The following CPAMD8 variants were observed in gnomAD, a reference collection of about 807,000 sequenced individuals.
CPAMD8 encodes the protein C3 and PZP-like alpha-2-macroglobulin domain-containing protein 8.
Under a neutral mutation model 224.7 loss-of-function variants are expected in CPAMD8, and 146 were observed. The ratio of observed to expected loss-of-function variants is 0.65; its 90% confidence interval spans 0.57 to 0.75. CPAMD8 has a LOEUF of 0.75. Ranked by LOEUF, CPAMD8 falls within the 30% of genes least tolerant of loss-of-function variation. The pLI is 0.00. For missense variants in CPAMD8, 2,301 were observed against 2,537.5 expected (o/e 0.91, Z 2.00); for synonymous variants, 966 against 1,044.6 (o/e 0.92, Z 1.45).
intron 17 of CPAMD8, among the ~76,000 whole-genome samples, chr19:16,971,883 C>A (rs1025367167): frequency 1.3e-5 from 2 of 152,004 alleles, no homozygotes; most frequent in Non-Finnish European, 2.9e-5. Flanking sequence ...CCCATCTCTA[C>A]TAAAAATACA....
chr19:16,904,381 A>C lies in CPAMD8; in HGVS notation c.4115-19T>G, dbSNP rs767910183. The stretch of plus-strand genomic sequence containing the variant: ...GAGACCACTGCAATGGAAGAGGCCC[A>C]CTGGGGACTTTTGACACAGGGACAT... On this transcript the variant is annotated intron_variant, in intron 31 of 41. Transcript: ENST00000443236. 3.1e-6 allele frequency: 5 copies of C among 1,614,008 alleles called. No homozygotes were observed. The highest frequency in any genetic ancestry group is 4.2e-6 in the Non-Finnish European group (5 of 1,179,998).
In CPAMD8 at chr19:16,898,096, G is replaced by T; in HGVS notation, c.4849-102C>A. On this transcript the variant is annotated intron_variant, in intron 37 of 41. Coordinates refer to ENST00000443236, the MANE Select transcript of CPAMD8 (RefSeq NM_015692.5). The surrounding 1 kb of genome is among the most constrained non-coding windows in gnomAD (Gnocchi z 4.2). ...GATTTCAGGGATACCCAGGACGCGT[G>T]AAACACAGAAGAAACGTGATCCCAT... 1 of 712,914 alleles carries T rather than the reference G, an allele frequency of 1.4e-6. No individual in the cohort carries two copies. The allele number at this position is 712,914 out of a possible 1,614,324, so 44.2% of individuals were successfully genotyped here.
chr19:16,970,820 A>T, intron 18 of CPAMD8, 71 bp downstream of exon 18: 1 of 1,412,024 alleles, frequency 7.1e-7, no homozygotes, highest in African/African-American at 1.4e-5. Flanking sequence ...GCAGCCAGGA[A>T]GGACAAAGAC....
chr19:16,938,438 T>A lies in CPAMD8; in HGVS notation c.2802A>T (p.Gly934=). ...CGCTGTAGGTGTACGCCCGGGGGAC[T>A]CCTTCCGCCTGAAACAAAGAAACAA... is the stretch of plus-strand genomic sequence containing the variant. ...VRRSVMVEAE[G]VPRAYTYSAF... Residue 934 remains glycine, a synonymous_variant, in exon 23 of 42, where the codon GGA becomes GGT. Coordinates refer to ENST00000443236, the MANE Select transcript of CPAMD8 (RefSeq NM_015692.5). 6.3e-7 allele frequency: 1 copy of A among 1,576,340 alleles called. No homozygotes were observed. Among genetic ancestry groups the A allele is most frequent in the Non-Finnish European group, 8.6e-7 (1 of 1,161,800 alleles).
At chr19:16,968,190 C>T (rs2054925423) in intron 18 of CPAMD8, among the ~76,000 whole-genome samples, 1 of 152,048 alleles carries the variant, frequency 6.6e-6, no homozygotes, top group Non-Finnish European at 1.5e-5. Context: ...TTCCAATCTT[C>T]CTCATCCAAT....
chr19:16,978,383 A>G (rs888678312), intron 14 of CPAMD8, among the ~76,000 whole-genome samples: 4 of 152,040 alleles, frequency 2.6e-5, no homozygotes, highest in Admixed American at 2.6e-4. Flanking sequence ...TTAAATGGGG[A>G]CAGATTGTGG....
chr19:16,941,286 T>G (rs1024890009), intron 22 of CPAMD8, among the ~76,000 whole-genome samples: 2 of 152,284 alleles, frequency 1.3e-5, no homozygotes, highest in South Asian at 2.1e-4. Context: ...ATAACCTAAA[T>G]GTCCACCATA....
intron 24 of CPAMD8, 44 bp from the exon 25 acceptor site, chr19:16,928,278 G>T: frequency 6.5e-7 from 1 of 1,534,920 alleles, no homozygotes; most frequent in Non-Finnish European, 9.0e-7. Flanking sequence ...CAGGAAGCAG[G>T]CAGTAGGCAC....
intron 27 of CPAMD8, 45 bp downstream of exon 27, chr19:16,921,860 G>C (rs753115864): frequency 3.1e-6 from 4 of 1,300,602 alleles, no homozygotes; most frequent in African/African-American, 1.5e-5. Flanking sequence ...CCATGGCGTC[G>C]GGCGGGGAGC....
chr19:16,948,899 AAGGG>A, intron 20 of CPAMD8, among the ~76,000 whole-genome samples: 1 of 76,838 alleles, frequency 1.3e-5, no homozygotes, highest in African/African-American at 5.4e-5. Flanking sequence ...AAGGGAAGGG[AAGGG>A]AAGGGAAGGG....
intron 13 of CPAMD8, among the ~76,000 whole-genome samples, chr19:16,982,862 G>T (rs1465762106): frequency 6.6e-6 from 1 of 152,092 alleles, no homozygotes; most frequent in African/African-American, 2.4e-5. Context: ...ATCTTGAATT[G>T]TAGCTCCCAT....
In CPAMD8 at chr19:16,929,198, T is replaced by C. The variant is rs776665028; in HGVS notation, c.2888A>G (p.Tyr963Cys). The change falls in exon 24 of 42, where the codon TAT (tyrosine) becomes TGT (cysteine). Residue 963 changes from tyrosine to cysteine, a missense_variant. Tyr to Cys is a radical substitution (Grantham distance 194). Around this residue, in one of 4 missense-constraint regions of CPAMD8, gnomAD observed 1,709 missense variants for 1,753.2 expected, o/e 0.97. Coordinates refer to ENST00000443236, the MANE Select transcript of CPAMD8 (RefSeq NM_015692.5). Reference protein sequence around the residue: ...ISTPNKYEFQYVQRPLRLTRF... With the variant: ...ISTPNKYEFQCVQRPLRLTRF... ...GGTGAGGCGCAGTGGCCGCTGCACA[T>C]ACTGGAACTCATACTTGTTGGGGGT... 2.5e-6 allele frequency: 4 copies of C among 1,611,564 alleles called. No homozygotes were observed. The South Asian group carries it at 3.3e-5, about 13-fold the overall frequency.
rs1217533901 is a variant in CPAMD8, at chr19:16,970,984, T to C, written c.2120A>G (p.Gln707Arg). Reference protein sequence around the residue: ...MTDRVSLNHRQDGGLYTDEAV... With the variant: ...MTDRVSLNHRRDGGLYTDEAV... Reference sequence around the variant, plus strand: ...CTCATCGGTGTAGAGGCCACCGTCCTGCCGGTGGTTCAGGCTCACTCGGTC... The same window carrying C: ...CTCATCGGTGTAGAGGCCACCGTCCCGCCGGTGGTTCAGGCTCACTCGGTC... The change falls in exon 18 of 42, where the codon CAG becomes CGG. Residue 707 changes from glutamine (Q) to arginine (R), a missense_variant. By Grantham distance (43) the Gln-to-Arg change is conservative (BLOSUM62 1). Transcript: ENST00000443236. 1.4e-5 allele frequency: 22 copies of C among 1,613,140 alleles called. No homozygotes were observed. Among genetic ancestry groups the C allele is most frequent in the Non-Finnish European group, 1.8e-5 (21 of 1,179,420 alleles).
At chr19:17,011,061 G>A (rs1568598926) in intron 5 of CPAMD8, among the ~76,000 whole-genome samples, 1 of 152,042 alleles carries the variant, frequency 6.6e-6, no homozygotes, top group Non-Finnish European at 1.5e-5. Flanking sequence ...GGGCGTGGTG[G>A]TGGGCACCTA....
chr19:16,931,272 TGCCTGAGGGTGCCATCCAAGG>T (rs1181186564), intron 23 of CPAMD8, among the ~76,000 whole-genome samples: 1 of 152,158 alleles, frequency 6.6e-6, no homozygotes, highest in Non-Finnish European at 1.5e-5. Flanking sequence ...TCCCCGCAAG[TGCCTGAGGGTGCCATCCAAGG>T]GCCTTGAGAC....
intron 3 of CPAMD8, among the ~76,000 whole-genome samples, chr19:17,013,884 ATTCC>A (rs149222555): frequency 0.36 from 53,124 of 148,090 alleles, 9,972 homozygotes; most frequent in Non-Finnish European, 0.44. Flanking sequence ...ACACTACACA[ATTCC>A]TTCCTTCCTT....
intron 13 of CPAMD8, among the ~76,000 whole-genome samples, chr19:16,988,767 A>C (rs139207802): frequency 2.1e-3 from 314 of 152,276 alleles, no homozygotes; most frequent in African/African-American, 7.0e-3. Context: ...AGGGCCATGG[A>C]CCAGTACTGA....
intron 22 of CPAMD8, among the ~76,000 whole-genome samples, chr19:16,940,942 T>C (rs549315461): frequency 3.2e-4 from 49 of 152,308 alleles, no homozygotes; most frequent in Non-Finnish European, 6.2e-4. Flanking sequence ...TTTTGTTTTT[T>C]GTTTTTGAGA....
intron 27 of CPAMD8, among the ~76,000 whole-genome samples, chr19:16,919,833 C>T (rs2053100865): frequency 6.6e-6 from 1 of 152,208 alleles, no homozygotes; most frequent in Admixed American, 6.5e-5. Flanking sequence ...AGTTTTCAGG[C>T]TCCCTGGCAG....
Sources: allele counts gnomAD v4.1 joint callset (sites outside exome capture counted in the v4.1 genomes callset), GRCh38; gene constraint gnomAD v4.1.1; regional missense constraint gnomAD v4.1.1; non-coding constraint Gnocchi (gnomAD v3.1); transcripts MANE v1.5; gene names NCBI Gene and HGNC (gene_info 2026-07-23, HGNC 2026-07-21).